The following CEP63 variants were observed in gnomAD, a reference collection of about 807,000 sequenced individuals.
The protein encoded by CEP63 is centrosomal protein of 63 kDa.
In CEP63, 84 loss-of-function variants were observed where a neutral mutation model predicts 89.1. That is an observed-to-expected ratio of 0.94 (90% confidence interval 0.79 to 1.13). The LOEUF is 1.13. Ranked by LOEUF, CEP63 falls within the 50% of genes most tolerant of loss-of-function variation. The pLI is 0.00. For synonymous variants in CEP63, 267 were observed against 272.5 expected (o/e 0.98, Z 0.20); for missense variants, 838 against 813.3 (o/e 1.03, Z -0.37).
intron 2 of CEP63, among the ~76,000 whole-genome samples, chr3:134,502,826 G>A (rs1189641680): frequency 2.0e-5 from 3 of 151,834 alleles, no homozygotes; most frequent in Non-Finnish European, 4.4e-5. Context: ...TTTTTCTGCT[G>A]GCTTTGGGTT....
chr3:134,712,746 G>T, the CEP63 span, among the ~76,000 whole-genome samples: 1 of 152,182 alleles, frequency 6.6e-6, no homozygotes, highest in South Asian at 2.1e-4. Context: ...AGACTTTGCT[G>T]CAGGGACGTC....
At chr3:134,771,177 T>C in the CEP63 span, among the ~76,000 whole-genome samples, 1 of 152,310 alleles carries the variant, frequency 6.6e-6, no homozygotes, top group Admixed American at 6.5e-5. Flanking sequence ...TTTGCTGGCT[T>C]CCTGAATACA....
At chr3:134,529,064 T>G (rs1949326801) in intron 3 of CEP63, among the ~76,000 whole-genome samples, 1 of 152,208 alleles carries the variant, frequency 6.6e-6, no homozygotes, top group African/African-American at 2.4e-5. Flanking sequence ...GAATCAGAGT[T>G]AATCTGTATT....
At chr3:134,521,355 A>G (rs1307940901) in intron 3 of CEP63, among the ~76,000 whole-genome samples, 1 of 152,210 alleles carries the variant, frequency 6.6e-6, no homozygotes, top group Admixed American at 6.5e-5. Context: ...TTTCAATTTA[A>G]TTTTGTTTTA....
chr3:134,706,563 C>T, the CEP63 span, among the ~76,000 whole-genome samples: 1 of 152,154 alleles, frequency 6.6e-6, no homozygotes, highest in African/African-American at 2.4e-5. Flanking sequence ...TCCTGCCTCA[C>T]CCTATTCCAG....
the CEP63 span, among the ~76,000 whole-genome samples, chr3:134,770,148 G>A: frequency 6.6e-6 from 1 of 152,236 alleles, no homozygotes; most frequent in Non-Finnish European, 1.5e-5. Flanking sequence ...GAAAACAGAG[G>A]CCCAGATTAT....
the CEP63 span, among the ~76,000 whole-genome samples, chr3:134,765,158 A>G: frequency 6.6e-6 from 1 of 152,224 alleles, no homozygotes; most frequent in African/African-American, 2.4e-5. Context: ...TTCAAGAATC[A>G]TACTTTGGGA....
chr3:134,589,087 A>G (rs1350838004), downstream of CEP63, among the ~76,000 whole-genome samples: 3 of 152,232 alleles, frequency 2.0e-5, no homozygotes, highest in Non-Finnish European at 4.4e-5. Context: ...CAAAAGTATC[A>G]GGCTCAGATG....
At chr3:134,731,609 G>A in the CEP63 span, among the ~76,000 whole-genome samples, 1 of 152,140 alleles carries the variant, frequency 6.6e-6, no homozygotes, top group East Asian at 1.9e-4. Flanking sequence ...AACCTGTTTA[G>A]TTTTATATCT....
the CEP63 span, among the ~76,000 whole-genome samples, chr3:134,766,969 TTG>T: frequency 6.6e-6 from 1 of 152,194 alleles, no homozygotes; most frequent in African/African-American, 2.4e-5. Context: ...CTGTCACTGG[TTG>T]TGTGCTTGGG....
intron 3 of CEP63, among the ~76,000 whole-genome samples, chr3:134,531,641 G>C (rs1321114425): frequency 1.3e-5 from 2 of 152,132 alleles, no homozygotes; most frequent in Admixed American, 1.3e-4. Flanking sequence ...CTAAAAACTA[G>C]CTGTTTGTTC....
the CEP63 span, among the ~76,000 whole-genome samples, chr3:134,666,064 A>T: frequency 6.6e-6 from 1 of 152,150 alleles, no homozygotes; most frequent in African/African-American, 2.4e-5. Flanking sequence ...AGACAGAGAG[A>T]CAAGGAAATT....
In CEP63 at chr3:134,549,057, T is replaced by C. The variant is rs750880396; in HGVS notation, c.1068-5T>C. On this transcript the variant is annotated splice_polypyrimidine_tract_variant and splice_region_variant and intron_variant, in intron 9 of 14. Coordinates refer to ENST00000675561, the MANE Select transcript of CEP63 (RefSeq NM_001353108.3). ...TAAGTATGGGATCTTATTTTTGTCA[T>C]ACAGTTTGGAATCTGTGAGTGCAAC... is the stretch of plus-strand genomic sequence containing the variant. The C allele has an allele frequency of 1.9e-6, 3 of 1,589,282 alleles. No homozygotes were observed. Among genetic ancestry groups the C allele is most frequent in the Non-Finnish European group, 2.6e-6 (3 of 1,157,416 alleles).
At chr3:134,759,358 G>A in the CEP63 span, among the ~76,000 whole-genome samples, 1 of 152,284 alleles carries the variant, frequency 6.6e-6, no homozygotes, top group Admixed American at 6.5e-5. Flanking sequence ...GCATAAACTG[G>A]TCCTGTCTTA....
the CEP63 span, among the ~76,000 whole-genome samples, chr3:134,778,171 C>T: frequency 6.6e-6 from 1 of 150,858 alleles, no homozygotes; most frequent in Non-Finnish European, 1.5e-5. Context: ...GATCTCAGCT[C>T]ACTGCAACCT....
chr3:134,729,604 T>C, the CEP63 span, among the ~76,000 whole-genome samples: 1 of 152,156 alleles, frequency 6.6e-6, no homozygotes, highest in African/African-American at 2.4e-5. Context: ...TTTGCATTTT[T>C]CCCCCCATTA....
At chr3:134,744,471 C>T in the CEP63 span, among the ~76,000 whole-genome samples, 2 of 152,188 alleles carry the variant, frequency 1.3e-5, no homozygotes, top group East Asian at 3.9e-4. Context: ...AAGCATTCCA[C>T]TGGGGGCCCA....
At chr3:134,763,822 G>A in the CEP63 span, among the ~76,000 whole-genome samples, 9 of 152,326 alleles carry the variant, frequency 5.9e-5, no homozygotes, top group Non-Finnish European at 1.2e-4. Flanking sequence ...TTCAGTGAAT[G>A]CTCTTCAGGC....
At chr3:134,510,894 C>G (rs184773230) in intron 3 of CEP63, 1 of 206,394 alleles carries the variant, frequency 4.8e-6, no homozygotes, top group Non-Finnish European at 9.9e-6. Context: ...CAGGCAGCAC[C>G]CCCCCAAGAG....
Sources: allele counts gnomAD v4.1 joint callset (sites outside exome capture counted in the v4.1 genomes callset), GRCh38; gene constraint gnomAD v4.1.1; transcripts MANE v1.5; gene names NCBI Gene and HGNC (gene_info 2026-07-23, HGNC 2026-07-21).